FBXL17: variants seen among roughly 807,000 people sequenced by gnomAD.
FBXL17 encodes F-box/LRR-repeat protein 17.
In FBXL17, 22 loss-of-function variants were observed where a neutral mutation model predicts 66.2. That is an observed-to-expected ratio of 0.33 (90% CI 0.24 to 0.47). The LOEUF (loss-of-function observed/expected upper bound fraction) is 0.47, where lower values mean the gene tolerates loss of function less well. Among genes scored for constraint, FBXL17 ranks in the 20% least tolerant of loss-of-function variants. FBXL17 has a pLI of 1.00. For missense variants in FBXL17, 878 were observed against 948.2 expected (o/e 0.93, Z 0.97); for synonymous variants, 474 against 400.5 (o/e 1.18, Z -2.19).
At chr5:108,263,096 C>T (rs969460355) in intron 4 of FBXL17, among the ~76,000 whole-genome samples, 1 of 152,130 alleles carries the variant, frequency 6.6e-6, no homozygotes, top group Admixed American at 6.6e-5. Context: ...CCATATATAA[C>T]CAATTAATTG....
intron 5 of FBXL17, among the ~76,000 whole-genome samples, chr5:108,223,058 C>A (rs986316247): frequency 1.3e-5 from 2 of 152,052 alleles, no homozygotes; most frequent in African/African-American, 4.8e-5. Context: ...ATATATATTA[C>A]CTTATTTAAT....
At chr5:107,999,805 G>T (rs1753644062) in intron 7 of FBXL17, among the ~76,000 whole-genome samples, 1 of 152,176 alleles carries the variant, frequency 6.6e-6, no homozygotes, top group Non-Finnish European at 1.5e-5. Context: ...TGAATGAATG[G>T]ATAAGTGAAT....
chr5:108,009,261 T>TTATTTATATATATA (rs1554056570), intron 7 of FBXL17, among the ~76,000 whole-genome samples: 2 of 20,868 alleles, frequency 9.6e-5, no homozygotes, highest in African/African-American at 3.3e-4. Flanking sequence ...GTTCCCTGTT[T>TTATTTATATATATA]TATATATATA....
At chr5:108,347,713 A>AT (rs953621843) in intron 4 of FBXL17, among the ~76,000 whole-genome samples, 1 of 152,116 alleles carries the variant, frequency 6.6e-6, no homozygotes, top group Non-Finnish European at 1.5e-5. Context: ...TGGGCACAGG[A>AT]TTTTTTTAGG....
chr5:108,018,941 C>G (rs190798264), intron 7 of FBXL17, among the ~76,000 whole-genome samples: 2 of 152,240 alleles, frequency 1.3e-5, no homozygotes, highest in Admixed American at 1.3e-4. Context: ...TTCAGACAGT[C>G]TAATGTGCAG....
intron 6 of FBXL17, among the ~76,000 whole-genome samples, chr5:108,111,307 A>G (rs1750023915): frequency 6.6e-6 from 1 of 152,164 alleles, no homozygotes; most frequent in African/African-American, 2.4e-5. Flanking sequence ...GGTATTTTTC[A>G]ATTGTTTGAT....
intron 6 of FBXL17, among the ~76,000 whole-genome samples, chr5:108,067,324 T>A (rs1020755498): frequency 6.6e-6 from 1 of 152,166 alleles, no homozygotes; most frequent in Admixed American, 6.5e-5. Context: ...CTGGGCACTA[T>A]ATCATTTTGT....
At chr5:107,974,243 G>A (rs997105217) in intron 7 of FBXL17, among the ~76,000 whole-genome samples, 2 of 152,056 alleles carry the variant, frequency 1.3e-5, no homozygotes, top group African/African-American at 2.4e-5. Flanking sequence ...CATCAATCTA[G>A]GTGACTGTGA....
intron 4 of FBXL17, among the ~76,000 whole-genome samples, chr5:108,324,259 G>C (rs1215470586): frequency 6.6e-6 from 1 of 151,964 alleles, no homozygotes; most frequent in African/African-American, 2.4e-5. Context: ...ATTTTAAAAT[G>C]AGTAATGTAT....
chr5:108,311,088 G>A (rs1329918226), intron 4 of FBXL17, among the ~76,000 whole-genome samples: 2 of 152,178 alleles, frequency 1.3e-5, no homozygotes, highest in African/African-American at 4.8e-5. Flanking sequence ...AAGTGTCACT[G>A]AAATCACTGC....
At chr5:108,122,117 GTACTA>G (rs1750527617) in intron 6 of FBXL17, among the ~76,000 whole-genome samples, 1 of 151,852 alleles carries the variant, frequency 6.6e-6, no homozygotes, top group Admixed American at 6.6e-5. Context: ...TATGTACCAG[GTACTA>G]TACTAGGTAC....
intron 3 of FBXL17, among the ~76,000 whole-genome samples, chr5:108,353,090 C>T (rs1013947639): frequency 5.9e-5 from 9 of 152,188 alleles, no homozygotes; most frequent in Admixed American, 2.0e-4. Context: ...AACTGTAATG[C>T]TTGCTTTAAA....
chr5:108,378,673 A>C (rs558242163), intron 1 of FBXL17, among the ~76,000 whole-genome samples: 3 of 152,170 alleles, frequency 2.0e-5, no homozygotes, highest in Non-Finnish European at 4.4e-5. Flanking sequence ...CCTTAGAAAT[A>C]TCTCTTCGTG....
chr5:108,161,279 T>A (rs1029038622), intron 6 of FBXL17, among the ~76,000 whole-genome samples: 5 of 152,048 alleles, frequency 3.3e-5, no homozygotes, highest in African/African-American at 1.2e-4. Context: ...GCTCAGGAGT[T>A]CGACACCAGC....
At chr5:107,969,396 G>T (rs1211496646) in intron 7 of FBXL17, among the ~76,000 whole-genome samples, 1 of 151,992 alleles carries the variant, frequency 6.6e-6, no homozygotes, top group African/African-American at 2.4e-5. Context: ...ACTCATTATT[G>T]TTTAATGGAT....
intron 6 of FBXL17, among the ~76,000 whole-genome samples, chr5:108,124,138 A>G (rs1439514563): frequency 6.6e-6 from 1 of 152,142 alleles, no homozygotes; most frequent in African/African-American, 2.4e-5. Flanking sequence ...GTTTTGGCCA[A>G]CTTCACCAAA....
At chr5:108,108,919 G>C (rs1228984325) in intron 6 of FBXL17, among the ~76,000 whole-genome samples, 1 of 152,000 alleles carries the variant, frequency 6.6e-6, no homozygotes. Context: ...GAGTAGCTGG[G>C]ATTACAGGCA....
intron 6 of FBXL17, among the ~76,000 whole-genome samples, chr5:108,113,553 G>A (rs1382123250): frequency 2.0e-5 from 3 of 151,962 alleles, no homozygotes; most frequent in African/African-American, 4.8e-5. Context: ...ATGGGCAAGT[G>A]GACAGAAAAA....
chr5:107,943,484 C>T (rs1751181828), intron 7 of FBXL17, among the ~76,000 whole-genome samples: 1 of 151,796 alleles, frequency 6.6e-6, no homozygotes, highest in Non-Finnish European at 1.5e-5. Flanking sequence ...TCTTTTGCAA[C>T]ATTTTTCTCA....
Sources: allele counts gnomAD v4.1 joint callset (sites outside exome capture counted in the v4.1 genomes callset), GRCh38; gene constraint gnomAD v4.1.1; transcripts MANE v1.5; gene names NCBI Gene and HGNC (gene_info 2026-07-23, HGNC 2026-07-21).